RIMS2: variants seen among roughly 807,000 people sequenced by gnomAD.
The protein encoded by RIMS2 is regulating synaptic membrane exocytosis protein 2.
Under a neutral mutation model 174.4 loss-of-function variants are expected in RIMS2, and 59 were observed. That is an observed-to-expected ratio of 0.34 (90% CI 0.27 to 0.42). The LOEUF (loss-of-function observed/expected upper bound fraction) is 0.42, where lower values mean the gene tolerates loss of function less well. Among genes scored for constraint, RIMS2 ranks in the 10% least tolerant of loss-of-function variants. The pLI is 1.00. For missense variants in RIMS2, 1,620 were observed against 1,666.3 expected (o/e 0.97, Z 0.48); for synonymous variants, 606 against 572.5 (o/e 1.06, Z -0.84).
At chr8:104,196,652 G>T (rs2136690866) in intron 19 of RIMS2, among the ~76,000 whole-genome samples, 1 of 152,166 alleles carries the variant, frequency 6.6e-6, no homozygotes, top group East Asian at 1.9e-4. Context: ...GGATGTGTTT[G>T]CTAACAGACC....
At chr8:103,790,067 T>C (rs1037148706) in intron 3 of RIMS2, among the ~76,000 whole-genome samples, 1 of 152,184 alleles carries the variant, frequency 6.6e-6, no homozygotes, top group African/African-American at 2.4e-5. Flanking sequence ...CAGCATGTGT[T>C]TTTCTTTTAT....
At chr8:103,700,181 A>T (rs1217562203) in intron 2 of RIMS2, among the ~76,000 whole-genome samples, 1 of 152,144 alleles carries the variant, frequency 6.6e-6, no homozygotes. Context: ...ATATATAATA[A>T]TATGTGGATT....
At chr8:103,599,381 A>G (rs2094603224) in intron 1 of RIMS2, among the ~76,000 whole-genome samples, 2 of 148,554 alleles carry the variant, frequency 1.3e-5, no homozygotes, top group Admixed American at 6.8e-5. Flanking sequence ...CAGAGTTTGT[A>G]TTGTTTTTAT....
chr8:103,994,102 GT>G lies in RIMS2; in HGVS notation c.3044+4686del, dbSNP rs554459445. On this transcript the variant is annotated intron_variant, in intron 17 of 23. Coordinates refer to ENST00000504942, the Ensembl canonical transcript of RIMS2. ...AAAAATGTTTTTGCATTAAGTAAGG[GT>G]TTTTGGAAGCTATAGTTTTACTTAA... Among the ~76,000 whole-genome samples, 5 of 151,516 alleles carry G rather than the reference GT, an allele frequency of 3.3e-5. No homozygotes were observed. In the South Asian group the frequency reaches 1.0e-3, roughly 32 times the overall value.
intron 2 of RIMS2, among the ~76,000 whole-genome samples, chr8:103,721,080 C>G (rs530184852): frequency 6.6e-6 from 1 of 152,206 alleles, no homozygotes; most frequent in Admixed American, 6.5e-5. Context: ...CCCTTTGGTG[C>G]TGTTCTCCTG....
At chr8:104,091,652 T>C (rs2097661039) in intron 19 of RIMS2, among the ~76,000 whole-genome samples, 1 of 150,226 alleles carries the variant, frequency 6.7e-6, no homozygotes, top group East Asian at 1.9e-4. Context: ...GTGTACATAT[T>C]ATATATATTA....
intron 17 of RIMS2, among the ~76,000 whole-genome samples, chr8:104,000,548 G>C (rs886709595): frequency 5.3e-5 from 8 of 151,694 alleles, no homozygotes; most frequent in African/African-American, 1.9e-4. Flanking sequence ...TCAACATACT[G>C]ATTTCCTTTC....
At position 104,241,837 on chromosome 8, in the gene RIMS2, G is replaced by A. The variant is rs560382897; in HGVS notation, c.3335-3079G>A. The stretch of plus-strand genomic sequence containing the variant: ...TGCAATGGTGCAATTTCGGCTCACT[G>A]CAACCTCTGCCTCCTGAGTTCAAGT... On this transcript the variant is annotated intron_variant, in intron 19 of 23. Transcript: ENST00000504942. 1.8e-4 allele frequency among the ~76,000 whole-genome samples: 27 copies of A among 152,268 alleles called. No individual in the cohort carries two copies. In the East Asian group the frequency reaches 4.8e-3, roughly 27 times the overall value.
intron 1 of RIMS2, among the ~76,000 whole-genome samples, chr8:103,680,964 G>A (rs1001658081): frequency 4.6e-5 from 7 of 151,832 alleles, no homozygotes; most frequent in Admixed American, 1.3e-4. Flanking sequence ...ATATTTCTGC[G>A]TAAATGCCCT....
At chr8:104,115,807 T>C (rs1248362887) in intron 19 of RIMS2, among the ~76,000 whole-genome samples, 1 of 152,164 alleles carries the variant, frequency 6.6e-6, no homozygotes, top group Non-Finnish European at 1.5e-5. Flanking sequence ...AGGGGGAAAG[T>C]GCTGTTCCCC....
At chr8:104,225,020 T>C (rs1563858330) in intron 19 of RIMS2, among the ~76,000 whole-genome samples, 1 of 152,240 alleles carries the variant, frequency 6.6e-6, no homozygotes, top group African/African-American at 2.4e-5. Flanking sequence ...TTTCACTTGC[T>C]TCCTATAATT....
At chr8:104,183,442 G>A (rs2098951017) in intron 19 of RIMS2, among the ~76,000 whole-genome samples, 1 of 151,418 alleles carries the variant, frequency 6.6e-6, no homozygotes, top group Non-Finnish European at 1.5e-5. Context: ...TAAGTAGTCA[G>A]AGACAGAGAT....
intron 19 of RIMS2, among the ~76,000 whole-genome samples, chr8:104,095,063 A>G (rs2097733289): frequency 6.6e-6 from 1 of 152,144 alleles, no homozygotes; most frequent in Non-Finnish European, 1.5e-5. Flanking sequence ...ATCATTGAAA[A>G]GAGAAACTTG....
intron 3 of RIMS2, among the ~76,000 whole-genome samples, chr8:103,833,237 G>A (rs1171454179): frequency 1.3e-5 from 2 of 151,988 alleles, no homozygotes; most frequent in Non-Finnish European, 2.9e-5. Flanking sequence ...CAAGTCGTTG[G>A]CACTTGATTG....
In RIMS2 at chr8:103,902,288, G is replaced by T. The variant is rs150266280; in HGVS notation, c.1625-7846G>T. ...TTACTTCGTTAAGCCAGCAAAGAGA[G>T]TATCTAAAACAAGCTGACTAGCAAG... is the stretch of plus-strand genomic sequence containing the variant. On this transcript the variant is annotated intron_variant, in intron 4 of 23. Coordinates refer to ENST00000504942, the Ensembl canonical transcript of RIMS2. Among the ~76,000 whole-genome samples, 306 of 152,248 alleles carry T rather than the reference G, an allele frequency of 2.0e-3. 2 individuals carry two copies. The highest frequency in any genetic ancestry group is 7.0e-3 in the African/African-American group (290 of 41,552).
At chr8:103,955,223 A>C (rs926018289) in intron 14 of RIMS2, among the ~76,000 whole-genome samples, 1 of 152,206 alleles carries the variant, frequency 6.6e-6, no homozygotes, top group African/African-American at 2.4e-5. Flanking sequence ...CAGTAGAAAA[A>C]GAGGGAATCC....
intron 1 of RIMS2, among the ~76,000 whole-genome samples, chr8:103,563,988 C>G (rs946980035): frequency 3.3e-5 from 5 of 152,146 alleles, no homozygotes; most frequent in African/African-American, 1.2e-4. Flanking sequence ...TTTCACTGGT[C>G]CCTCCCACAA....
intron 2 of RIMS2, among the ~76,000 whole-genome samples, chr8:103,757,648 T>C (rs1446156913): frequency 6.6e-6 from 1 of 152,172 alleles, no homozygotes; most frequent in East Asian, 1.9e-4. Context: ...GGCCCCCAAC[T>C]CTTCTCTTTC....
chr8:103,963,408 C>G (rs2090817609), intron 15 of RIMS2, among the ~76,000 whole-genome samples: 1 of 152,124 alleles, frequency 6.6e-6, no homozygotes, highest in South Asian at 2.1e-4. Flanking sequence ...TACAATCATT[C>G]ATAATAAACC....
Sources: allele counts gnomAD v4.1 joint callset (sites outside exome capture counted in the v4.1 genomes callset), GRCh38; gene constraint gnomAD v4.1.1; transcripts MANE v1.5; gene names NCBI Gene and HGNC (gene_info 2026-07-23, HGNC 2026-07-21).